PTDSS1: variants seen among roughly 807,000 people sequenced by gnomAD.
The protein encoded by PTDSS1 is PSS-1.
In PTDSS1, 45 loss-of-function variants were observed where a neutral mutation model predicts 70.5. The ratio of observed to expected loss-of-function variants is 0.64; its 90% CI spans 0.50 to 0.82. The LOEUF (loss-of-function observed/expected upper bound fraction) is 0.82, where lower values mean the gene tolerates loss of function less well. Ranked by LOEUF, PTDSS1 falls within the 40% of genes least tolerant of loss-of-function variation. The pLI, the probability that PTDSS1 is intolerant of heterozygous loss-of-function variation, is 0.00. For missense variants in PTDSS1, 417 were observed against 586.1 expected (o/e 0.71, Z 2.98); for synonymous variants, 188 against 203.8 (o/e 0.92, Z 0.66).
At chr8:96,283,865 CT>C in intron 2 of PTDSS1, 1 of 442,120 alleles carries the variant, frequency 2.3e-6, no homozygotes, top group Non-Finnish European at 4.0e-6. Flanking sequence ...CAAGACAAAG[CT>C]TTATAAAAAA....
intron 10 of PTDSS1, among the ~76,000 whole-genome samples, chr8:96,323,260 T>C (rs542646458): frequency 6.6e-6 from 1 of 152,348 alleles, no homozygotes; most frequent in Admixed American, 6.5e-5. Flanking sequence ...GTGTTGGGGA[T>C]GACCCTGCTG....
At chr8:96,317,288 T>C (rs112737026) in intron 9 of PTDSS1, among the ~76,000 whole-genome samples, 1,803 of 152,042 alleles carry the variant, frequency 0.012, 46 homozygotes, top group African/African-American at 0.041. Context: ...TCTCCACACT[T>C]ATGTAATCCC....
intron 10 of PTDSS1, 123 bp downstream of exon 10, chr8:96,320,468 T>A: frequency 2.3e-6 from 2 of 859,642 alleles, no homozygotes; most frequent in Non-Finnish European, 3.7e-6. Context: ...AAAGATGTTC[T>A]ACTTGTAATT....
intron 10 of PTDSS1, among the ~76,000 whole-genome samples, chr8:96,325,262 G>A (rs1390653831): frequency 1.3e-5 from 2 of 152,192 alleles, no homozygotes; most frequent in East Asian, 1.9e-4. Context: ...ATTCTCTCTA[G>A]GGAACTGCTC....
chr8:96,270,043 A>T (rs1810543002), intron 1 of PTDSS1, among the ~76,000 whole-genome samples: 1 of 152,210 alleles, frequency 6.6e-6, no homozygotes, highest in African/African-American at 2.4e-5. Context: ...TGAGGAGGAA[A>T]CTGGGGCACT....
rs1811503943 is a variant in PTDSS1 at position 96,330,751 on chromosome 8, TA to T, written c.1243-274del. On this transcript the variant is annotated intron_variant, in intron 11 of 12. Transcript: ENST00000517309. The stretch of plus-strand genomic sequence containing the variant: ...ACGATGGCCGTCTGGTAGACGGTAA[TA>T]TTTTTTTCGGTAAAAATAACACTTT... The T allele has an allele frequency of 4.8e-5, 22 of 455,690 alleles. No individual in the cohort carries two copies. The South Asian group carries it at 6.0e-4, about 12-fold the overall frequency. The allele number at this position is 455,690 out of a possible 1,614,324, so 28.2% of individuals were successfully genotyped here.
chr8:96,326,181 C>T (rs913820351), intron 10 of PTDSS1, among the ~76,000 whole-genome samples: 4 of 152,168 alleles, frequency 2.6e-5, no homozygotes, highest in Non-Finnish European at 5.9e-5. Context: ...ACGCTGTTTT[C>T]TCTGCCTGAT....
chr8:96,315,063 A>C (rs1193354111), intron 9 of PTDSS1, among the ~76,000 whole-genome samples: 1 of 152,168 alleles, frequency 6.6e-6, no homozygotes. Context: ...TAGAAAGTTG[A>C]CAGGAGCACA....
chr8:96,323,004 C>G (rs1811393131), intron 10 of PTDSS1, among the ~76,000 whole-genome samples: 1 of 152,222 alleles, frequency 6.6e-6, no homozygotes, highest in Non-Finnish European at 1.5e-5. Context: ...CATTGCAAAT[C>G]TGAAAGGGAG....
At chr8:96,287,668 G>T (rs1328952218) in intron 4 of PTDSS1, among the ~76,000 whole-genome samples, 1 of 151,994 alleles carries the variant, frequency 6.6e-6, no homozygotes, top group African/African-American at 2.4e-5. Flanking sequence ...TTGATGCCTT[G>T]ATCCTGCTCC....
chr8:96,273,187 C>T (rs189339599), intron 1 of PTDSS1, 112 bp from the exon 2 acceptor site: 7 of 675,896 alleles, frequency 1.0e-5, no homozygotes, highest in South Asian at 9.9e-5. Context: ...TATGTTCAAT[C>T]CTGTCATACA....
rs1586215414 is a variant in PTDSS1 at position 96,334,280 on chromosome 8, A to G, written c.*714A>G. ...CCTCGCTTCCGATTATTCCCTTCCC[A>G]ATATTATTCATCCAGACTTAGCCAC... On this transcript the variant is annotated 3_prime_UTR_variant, in exon 13 of 13. Coordinates refer to ENST00000517309, the MANE Select transcript of PTDSS1 (RefSeq NM_014754.3). 1 of 153,902 alleles carries G rather than the reference A, an allele frequency of 6.5e-6. No homozygotes were observed. The allele number at this position is 153,902 out of a possible 1,614,324, so 9.5% of individuals were successfully genotyped here.
chr8:96,262,291 G>T lies in PTDSS1; in HGVS notation c.179+72G>T. 1 of 1,472,216 alleles carries T rather than the reference G, an allele frequency of 6.8e-7. No individual in the cohort carries two copies. The highest frequency in any genetic ancestry group is 9.3e-7 in the Non-Finnish European group (1 of 1,077,178). The allele number at this position is 1,472,216 out of a possible 1,614,324, so 91.2% of individuals were successfully genotyped here. The stretch of plus-strand genomic sequence containing the variant: ...GAGGCGGGAGGGAGGGTGGCGGGGA[G>T]GGGGGCCCGGCATGGCTCTGGGTGA... On this transcript the variant is annotated intron_variant, in intron 1 of 12. Transcript: ENST00000517309. The surrounding 1 kb of genome is among the most constrained non-coding windows in gnomAD (Gnocchi z 4.4).
At position 96,334,204 on chromosome 8, in the gene PTDSS1, C is replaced by T. The variant is rs1010910439; in HGVS notation, c.*638C>T. On this transcript the variant is annotated 3_prime_UTR_variant, in exon 13 of 13. Coordinates refer to ENST00000517309, the MANE Select transcript of PTDSS1 (RefSeq NM_014754.3). ...CCTCAGTCTCCTGTAAGACCTCCTA[C>T]CACATGGCGAGTATACACCAATCAG... 1.1e-5 allele frequency: 2 copies of T among 176,200 alleles called. No homozygotes were observed. The highest frequency in any genetic ancestry group is 2.4e-5 in the Non-Finnish European group (2 of 83,790). The allele number at this position is 176,200 out of a possible 1,614,324, so 10.9% of individuals were successfully genotyped here. A position where few individuals can be genotyped will look rare whatever the true frequency, so the allele number is the denominator to read the frequency against.
chr8:96,278,232 C>G (rs1431360711), intron 2 of PTDSS1, among the ~76,000 whole-genome samples: 1 of 152,226 alleles, frequency 6.6e-6, no homozygotes, highest in Non-Finnish European at 1.5e-5. Flanking sequence ...TGTCTCTTCT[C>G]AACCAGTTCC....
chr8:96,273,178 A>G (rs1346911604), intron 1 of PTDSS1, 121 bp from the exon 2 acceptor site: 4 of 648,962 alleles, frequency 6.2e-6, no homozygotes, highest in Admixed American at 3.2e-5. Flanking sequence ...TTCAGAACCT[A>G]TGTTCAATCC....
In PTDSS1 at chr8:96,333,685, C is replaced by T. The variant is rs749129452; in HGVS notation, c.*119C>T. ...CAGGGCAAGCAGGAAGAGGCGAGGGCACTTGGGGGTCATTATTTGAGATCG... is the reference window on the plus strand; with the variant it reads ...CAGGGCAAGCAGGAAGAGGCGAGGGTACTTGGGGGTCATTATTTGAGATCG... On this transcript the variant is annotated 3_prime_UTR_variant, in exon 13 of 13. Transcript: ENST00000517309. The T allele has an allele frequency of 5.5e-6, 5 of 906,312 alleles. No homozygotes were observed. In the African/African-American group the frequency reaches 6.6e-5, roughly 12 times the overall value. The allele number at this position is 906,312 out of a possible 1,614,324, so 56.1% of individuals were successfully genotyped here.
At chr8:96,267,885 C>A (rs1810510803) in intron 1 of PTDSS1, among the ~76,000 whole-genome samples, 1 of 152,230 alleles carries the variant, frequency 6.6e-6, no homozygotes, top group African/African-American at 2.4e-5. Context: ...CCTCCCGCCA[C>A]CTCCTGCCCA....
At chr8:96,279,713 G>C (rs1810706807) in intron 2 of PTDSS1, among the ~76,000 whole-genome samples, 1 of 152,078 alleles carries the variant, frequency 6.6e-6, no homozygotes, top group African/African-American at 2.4e-5. Flanking sequence ...CAGCTACTCA[G>C]GAGGCTGAGG....
Sources: allele counts gnomAD v4.1 joint callset (sites outside exome capture counted in the v4.1 genomes callset), GRCh38; gene constraint gnomAD v4.1.1; non-coding constraint Gnocchi (gnomAD v3.1); transcripts MANE v1.5; gene names NCBI Gene and HGNC (gene_info 2026-07-23, HGNC 2026-07-21).